Variants in YY1AP1 observed in about 807,000 individuals in gnomAD.
YY1AP1 encodes the protein YY1 associated protein 1.
In YY1AP1, 43 loss-of-function variants were observed where a neutral mutation model predicts 39.9. The observed-to-expected ratio is 1.08, with a 90% CI of 0.84 to 1.39. YY1AP1 has a LOEUF of 1.39. Among genes scored for constraint, YY1AP1 ranks in the 40% most tolerant of loss-of-function variants. YY1AP1 has a pLI of 0.00. For synonymous variants in YY1AP1, 292 were observed against 331.3 expected (o/e 0.88, Z 1.29); for missense variants, 813 against 900.7 (o/e 0.90, Z 1.25).
Position 155,673,424 on chromosome 1 carries a change from T to C in YY1AP1, c.412-693A>G, listed in dbSNP as rs150990530. ...GTAAGAGATGAAGACATCCTGTTGA[T>C]CACCAAGGAAGTTTTAGAATACTAG... On this transcript the variant is annotated intron_variant, in intron 6 of 10. Coordinates refer to ENST00000355499, the MANE Select transcript of YY1AP1 (RefSeq NM_139119.3). Among the ~76,000 whole-genome samples, 262 of 152,304 alleles carry C rather than the reference T, an allele frequency of 1.7e-3. 1 individual carries two copies. Among genetic ancestry groups the C allele is most frequent in the African/African-American group, 5.5e-3 (227 of 41,556 alleles).
intron 9 of YY1AP1, among the ~76,000 whole-genome samples, chr1:155,665,072 G>A (rs887684290): frequency 6.6e-6 from 1 of 150,996 alleles, no homozygotes; most frequent in African/African-American, 2.4e-5. Flanking sequence ...GCCCGGCCCC[G>A]GAGATGGTTT....
At chr1:155,677,480 T>C (rs1650871734) in intron 4 of YY1AP1, among the ~76,000 whole-genome samples, 1 of 152,122 alleles carries the variant, frequency 6.6e-6, no homozygotes, top group African/African-American at 2.4e-5. Flanking sequence ...AAAGGGAGAA[T>C]AATATACCTA....
intron 8 of YY1AP1, among the ~76,000 whole-genome samples, chr1:155,669,123 G>A (rs1023427371): frequency 9.2e-5 from 14 of 152,178 alleles, no homozygotes; most frequent in Admixed American, 8.5e-4. Flanking sequence ...AGTCTTGAAT[G>A]CCTGGGTTCA....
intron 2 of YY1AP1, 88 bp downstream of exon 2, chr1:155,687,983 G>A: frequency 7.1e-7 from 1 of 1,409,842 alleles, no homozygotes; most frequent in South Asian, 1.4e-5. Context: ...TCCAGGTCCG[G>A]GAGATGACAG....
intron 2 of YY1AP1, among the ~76,000 whole-genome samples, chr1:155,682,588 T>C (rs1289008805): frequency 6.6e-6 from 1 of 151,776 alleles, no homozygotes; most frequent in Non-Finnish European, 1.5e-5. Flanking sequence ...CTCCAACTCC[T>C]GACCTCAGGT....
intron 2 of YY1AP1, among the ~76,000 whole-genome samples, chr1:155,682,507 C>G (rs1360181105): frequency 6.6e-6 from 1 of 151,866 alleles, no homozygotes; most frequent in Non-Finnish European, 1.5e-5. Context: ...TTACAGGCAC[C>G]TGCCACAACA....
In YY1AP1 at chr1:155,660,098, C is replaced by T; in HGVS notation, c.1812G>A (p.Leu604=). Residue 604 remains leucine (L), a synonymous_variant, in exon 11 of 11, where the codon TTG becomes TTA. Coordinates refer to ENST00000355499, the MANE Select transcript of YY1AP1 (RefSeq NM_139119.3). ...LVNPTSFPCP[L]NQPLVASSVS... Reference sequence around the variant, plus strand: ...CAGAGGAGGCCACAAGGGGCTGGTTCAATGGACAGGGGAAGGAAGTAGGGT... The same window carrying T: ...CAGAGGAGGCCACAAGGGGCTGGTTTAATGGACAGGGGAAGGAAGTAGGGT... 2 of 1,614,062 alleles carry T rather than the reference C, an allele frequency of 1.2e-6. No individual in the cohort carries two copies. The highest frequency in any genetic ancestry group is 1.7e-6 in the Non-Finnish European group (2 of 1,180,020).
At chr1:155,688,798 C>A (rs1653174386), upstream of YY1AP1, 3 of 1,549,614 alleles carry the variant, frequency 1.9e-6, no homozygotes, top group South Asian at 3.6e-5. Context: ...GCGCCTCCCA[C>A]AGTCCCCACC....
At chr1:155,688,249 G>A (rs1374981890) in intron 1 of YY1AP1, 48 bp from the exon 2 acceptor site, 9 of 1,608,394 alleles carry the variant, frequency 5.6e-6, no homozygotes, top group Non-Finnish European at 6.8e-6. Flanking sequence ...GGGCTAAAGG[G>A]GCAAACTGAG....
chr1:155,674,233 A>C (rs1298711667), intron 6 of YY1AP1, among the ~76,000 whole-genome samples: 1 of 152,050 alleles, frequency 6.6e-6, no homozygotes, highest in Non-Finnish European at 1.5e-5. Context: ...TCTACACATA[A>C]AACACTAATA....
rs1447579670 is a variant in YY1AP1 at position 155,660,875 on chromosome 1, C to T, written c.1035G>A (p.Met345Ile). The T allele has an allele frequency of 6.2e-7, 1 of 1,614,168 alleles. No homozygotes were observed. Among genetic ancestry groups the T allele is most frequent in the South Asian group, 1.1e-5 (1 of 91,088 alleles). ...LPSIQEELRHMADGAREVGNM... is the reference protein window; with the variant it reads ...LPSIQEELRHIADGAREVGNM... Reference sequence around the variant, plus strand: ...TTCCTACCTCTCTAGCACCATCAGCCATGTGCCGCAGTTCTTCCTGGATGG... The same window carrying T: ...TTCCTACCTCTCTAGCACCATCAGCTATGTGCCGCAGTTCTTCCTGGATGG... Residue 345 changes from methionine (M) to isoleucine (I), a missense_variant, in exon 11 of 11, where the codon ATG (methionine) becomes ATA (isoleucine). By Grantham distance (10) the Met-to-Ile change is conservative (BLOSUM62 1). Around this residue, in one of 3 missense-constraint regions of YY1AP1, gnomAD observed 586 missense variants for 647.4 expected, o/e 0.91. Coordinates refer to ENST00000355499, the MANE Select transcript of YY1AP1 (RefSeq NM_139119.3).
chr1:155,675,476 C>T (rs553702808), intron 5 of YY1AP1, among the ~76,000 whole-genome samples: 4 of 151,984 alleles, frequency 2.6e-5, no homozygotes, highest in South Asian at 4.2e-4. Context: ...TACAGGTGCC[C>T]GCCGCCACAC....
intron 9 of YY1AP1, among the ~76,000 whole-genome samples, chr1:155,663,653 A>G (rs1300885331): frequency 1.3e-5 from 2 of 152,086 alleles, no homozygotes; most frequent in Non-Finnish European, 1.5e-5. Context: ...TGGGAGGCAG[A>G]GGTTCCAGTG....
At chr1:155,673,027 A>T (rs559609977) in intron 6 of YY1AP1, among the ~76,000 whole-genome samples, 1 of 152,034 alleles carries the variant, frequency 6.6e-6, no homozygotes, top group East Asian at 1.9e-4. Flanking sequence ...TTAATTAATT[A>T]ATTTATTTTG....
At position 155,676,619 on chromosome 1, in the gene YY1AP1, A is replaced by C. The variant is rs1384647319; in HGVS notation, c.253T>G (p.Cys85Gly). 12 of 1,614,086 alleles carry C rather than the reference A, an allele frequency of 7.4e-6. No homozygotes were observed. The highest frequency in any genetic ancestry group is 9.3e-6 in the Non-Finnish European group (11 of 1,180,014). ...ATCAGGGTCTGATGAACTTCCTTAC[A>C]CTGGGGTTTAACCTTCTCTACCTCC... is the stretch of plus-strand genomic sequence containing the variant. ...QKEVEKVKPQ[C>G]KEVHQTLILD... Residue 85 changes from cysteine (C) to glycine (G), a missense_variant, in exon 5 of 11, where the codon TGT (cysteine) becomes GGT (glycine). By Grantham distance (159) the Cys-to-Gly change is radical (BLOSUM62 -3). Transcript: ENST00000355499.
chr1:155,662,366 C>T (rs967480450), intron 9 of YY1AP1, among the ~76,000 whole-genome samples: 3 of 151,854 alleles, frequency 2.0e-5, no homozygotes, highest in African/African-American at 7.2e-5. Flanking sequence ...TGGTGGGTGC[C>T]TGTAATCCCA....
At chr1:155,674,322 C>T (rs1382716302) in intron 6 of YY1AP1, among the ~76,000 whole-genome samples, 1 of 151,266 alleles carries the variant, frequency 6.6e-6, no homozygotes, top group Non-Finnish European at 1.5e-5. Flanking sequence ...CAAAACAAAA[C>T]AAAAAAAACA....
chr1:155,679,754 A>T, intron 3 of YY1AP1: 1 of 984,532 alleles, frequency 1.0e-6, no homozygotes, highest in Non-Finnish European at 1.2e-6. Context: ...AGCTAGGATA[A>T]CTCAAAATGA....
intron 9 of YY1AP1, among the ~76,000 whole-genome samples, chr1:155,661,725 C>T (rs922023165): frequency 3.3e-5 from 5 of 152,108 alleles, no homozygotes; most frequent in East Asian, 1.9e-4. Context: ...GCGCGATCTC[C>T]GCTCACTGCA....
Sources: gnomAD v4.1 joint callset for allele counts (sites outside exome capture counted in the v4.1 genomes callset) on GRCh38, gnomAD v4.1.1 for gene constraint, gnomAD v4.1.1 regional missense constraint, MANE v1.5 for transcripts, NCBI Gene and HGNC (gene_info 2026-07-23, HGNC 2026-07-21) for gene names.